The following CABIN1 variants were observed in gnomAD, a reference collection of about 807,000 sequenced individuals.
CABIN1 encodes the protein calcineurin-binding protein cabin-1.
A neutral mutation model predicts 227.7 loss-of-function variants in CABIN1; 133 were observed. The ratio of observed to expected loss-of-function variants is 0.58; its 90% confidence interval spans 0.51 to 0.67. The LOEUF (loss-of-function observed/expected upper bound fraction) is 0.67, where lower values mean the gene tolerates loss of function less well. Among genes scored for constraint, CABIN1 ranks in the 30% least tolerant of loss-of-function variants. The pLI, the probability that CABIN1 is intolerant of heterozygous loss-of-function variation, is 0.00. For missense variants in CABIN1, 2,408 were observed against 2,852.5 expected, an observed-to-expected ratio of 0.84 and a Z score of 3.55; for synonymous variants, 1,086 against 1,155.1, an observed-to-expected ratio of 0.94 and a Z score of 1.21.
chr22:24,037,708 G>A (rs1277415854), intron 3 of CABIN1, among the ~76,000 whole-genome samples: 1 of 152,114 alleles, frequency 6.6e-6, no homozygotes, highest in African/African-American at 2.4e-5. Flanking sequence ...CCAACTGGGT[G>A]TCCTACAATT....
At chr22:24,043,466 A>T (rs2037598576) in intron 6 of CABIN1, among the ~76,000 whole-genome samples, 1 of 152,012 alleles carries the variant, frequency 6.6e-6, no homozygotes, top group Non-Finnish European at 1.5e-5. Context: ...AAACAGCAGA[A>T]ATTGTCTGGG....
chr22:24,172,152 C>A (rs2046853864), intron 34 of CABIN1, among the ~76,000 whole-genome samples, 157 bp downstream of exon 34: 1 of 152,234 alleles, frequency 6.6e-6, no homozygotes, highest in South Asian at 2.1e-4. Flanking sequence ...GGTCCACTCA[C>A]CAGTCACTGG....
chr22:24,025,873 G>T (rs757624105), intron 1 of CABIN1, among the ~76,000 whole-genome samples: 6 of 152,122 alleles, frequency 3.9e-5, no homozygotes, highest in Non-Finnish European at 8.8e-5. Context: ...TCACTCTGTT[G>T]CCCAGGCTGG....
rs555134588 is a variant in CABIN1, at chr22:24,038,791, A to T, written c.210+330A>T. Among the ~76,000 whole-genome samples, 5 of 152,314 alleles carry T rather than the reference A, an allele frequency of 3.3e-5. No homozygotes were observed. The South Asian group carries it at 1.0e-3, about 32-fold the overall frequency. ...GAAACTGAGGCTTAGTGAGGTCTTG[A>T]TGGCTCAAAGCCATCCAAGTAAGTG... On this transcript the variant is annotated intron_variant, in intron 4 of 36. Transcript: ENST00000263119.
rs767757918 is a variant in CABIN1, at chr22:24,050,852, G to T, written c.684G>T (p.Val228=). Reference sequence around the variant, plus strand: ...ACATGTCGATTCACGATGTTTCGGTGAGTGCAGCTGAGACACAGGCGATTG... The same window carrying T: ...ACATGTCGATTCACGATGTTTCGGTTAGTGCAGCTGAGACACAGGCGATTG... ...KCDMSIHDVS[V]SAAETQAIVD... is the part of the protein sequence containing the mutation. The change falls in exon 8 of 37, where the codon GTG becomes GTT. Residue 228 remains valine, a synonymous_variant. Coordinates refer to ENST00000263119, the MANE Select transcript of CABIN1 (RefSeq NM_012295.4). 5.0e-6 allele frequency: 8 copies of T among 1,614,206 alleles called. No homozygotes were observed. The highest frequency in any genetic ancestry group is 5.9e-6 in the Non-Finnish European group (7 of 1,180,046).
intron 29 of CABIN1, chr22:24,156,202 G>GTCCC (rs2045792417): frequency 2.6e-6 from 1 of 389,438 alleles, no homozygotes; most frequent in Admixed American, 4.5e-5. Context: ...TTGCTCAATC[G>GTCCC]TCCCCTGGTG....
rs2047222988 is a variant in CABIN1, at chr22:24,178,155, G to A, written c.6622G>A (p.Glu2208Lys). 6.2e-7 allele frequency: 1 copy of A among 1,613,530 alleles called. No homozygotes were observed. Among genetic ancestry groups the A allele is most frequent in the African/African-American group, 1.3e-5 (1 of 74,920 alleles). Residue 2208 changes from glutamate (E) to lysine (K), a missense_variant, in exon 37 of 37, where the codon GAG becomes AAG. By Grantham distance (56) the Glu-to-Lys change is moderately conservative. Transcript: ENST00000263119. ...GACATCCAGCCAGGAGTCCTCGCTG[G>A]AGAGCGAGACAGACGAGGACGACGA... is the stretch of plus-strand genomic sequence containing the variant. ...LETSSQESSL[E>K]SETDEDDDYM...
intron 28 of CABIN1, among the ~76,000 whole-genome samples, chr22:24,126,603 T>A (rs537846493): frequency 3.8e-4 from 58 of 151,932 alleles, no homozygotes; most frequent in Non-Finnish European, 7.7e-4. Context: ...CTGGTGTGAC[T>A]AGATGGGCAA....
At chr22:24,170,138 C>T (rs532779987) in intron 33 of CABIN1, 62 of 458,694 alleles carry the variant, frequency 1.4e-4, no homozygotes, top group Middle Eastern at 3.5e-4. Context: ...GACCCTGGTG[C>T]GGTGGGGGCG....
At chr22:24,110,317 G>A (rs1368973285) in intron 26 of CABIN1, among the ~76,000 whole-genome samples, 1 of 152,036 alleles carries the variant, frequency 6.6e-6, no homozygotes, top group Non-Finnish European at 1.5e-5. Flanking sequence ...GTACTACTTC[G>A]TAGGCAGTGG....
intron 33 of CABIN1, among the ~76,000 whole-genome samples, chr22:24,169,697 C>A (rs1489600001): frequency 6.6e-6 from 1 of 152,210 alleles, no homozygotes; most frequent in East Asian, 1.9e-4. Context: ...CCTGCCTCCT[C>A]CACTGGCCCA....
chr22:24,038,369 TACC>T lies in CABIN1; in HGVS notation c.121_123del (p.His41del). 1.2e-6 allele frequency: 2 copies of T among 1,613,974 alleles called. No individual in the cohort carries two copies. Among genetic ancestry groups the T allele is most frequent in the Non-Finnish European group, 1.7e-6 (2 of 1,179,860 alleles). ...GCAGGAAGCAGAGGCTTTTGCATTG[TACC>T]ACAAGGCCCTTGATCTGCAGAAACA... On this transcript the variant is annotated inframe_deletion, in exon 4 of 37. Coordinates refer to ENST00000263119, the MANE Select transcript of CABIN1 (RefSeq NM_012295.4).
At chr22:24,082,261 T>C (rs552857886) in intron 19 of CABIN1, among the ~76,000 whole-genome samples, 5 of 152,166 alleles carry the variant, frequency 3.3e-5, no homozygotes, top group Admixed American at 2.6e-4. Flanking sequence ...GGCTAATTTT[T>C]AAATTTTTTG....
chr22:24,149,894 G>A (rs1344688822), intron 29 of CABIN1, among the ~76,000 whole-genome samples: 1 of 152,238 alleles, frequency 6.6e-6, no homozygotes, highest in Non-Finnish European at 1.5e-5. Flanking sequence ...GAGGGGTGGA[G>A]GAGCCTTGGA....
In CABIN1 at chr22:24,053,644, G is replaced by A. The variant is rs1490258541; in HGVS notation, c.807-1229G>A. Among the ~76,000 whole-genome samples the A allele has an allele frequency of 2.6e-5, 4 of 152,130 alleles. No individual in the cohort carries two copies. The South Asian group carries it at 6.2e-4, about 24-fold the overall frequency. On this transcript the variant is annotated intron_variant, in intron 8 of 36. Coordinates refer to ENST00000263119, the MANE Select transcript of CABIN1 (RefSeq NM_012295.4). ...TCTACCCGCCTCGGCCTCTCAAAGCGTTGGGAGTACAAGCATGAGTCACCG... is the reference window on the plus strand; with the variant it reads ...TCTACCCGCCTCGGCCTCTCAAAGCATTGGGAGTACAAGCATGAGTCACCG...
chr22:24,036,595 G>C (rs1198860450), intron 3 of CABIN1, among the ~76,000 whole-genome samples: 2 of 152,134 alleles, frequency 1.3e-5, no homozygotes, highest in African/African-American at 4.8e-5. Flanking sequence ...CAGTGAGGGA[G>C]CCAGGTCCAA....
At chr22:24,051,328 T>A (rs2038317350) in intron 8 of CABIN1, among the ~76,000 whole-genome samples, 1 of 152,112 alleles carries the variant, frequency 6.6e-6, no homozygotes. Flanking sequence ...TTCAGAGTAC[T>A]TAAATGGGGA....
chr22:24,031,056 G>A (rs571212800), intron 1 of CABIN1, among the ~76,000 whole-genome samples: 2 of 152,284 alleles, frequency 1.3e-5, no homozygotes, highest in South Asian at 4.1e-4. Flanking sequence ...CTGTATTGAT[G>A]TTCTCCCACC....
intron 22 of CABIN1, among the ~76,000 whole-genome samples, chr22:24,085,973 G>A (rs1245159575): frequency 6.6e-6 from 1 of 152,196 alleles, no homozygotes; most frequent in Non-Finnish European, 1.5e-5. Flanking sequence ...CCCTAACTCA[G>A]GGAAAACCAG....
Sources: gnomAD v4.1 joint callset for allele counts (sites outside exome capture counted in the v4.1 genomes callset) on GRCh38, gnomAD v4.1.1 for gene constraint, MANE v1.5 for transcripts, NCBI Gene and HGNC (gene_info 2026-07-23, HGNC 2026-07-21) for gene names.